Variants in CXADR observed in about 807,000 individuals in gnomAD.
CXADR encodes the protein CXADR cell adhesion molecule, also known as coxsackievirus and adenovirus receptor.
In CXADR, 20 loss-of-function variants were observed where a neutral mutation model predicts 40.3. That is an observed-to-expected ratio of 0.50 (90% CI 0.35 to 0.72). The LOEUF (loss-of-function observed/expected upper bound fraction) is 0.72, where lower values mean the gene tolerates loss of function less well. CXADR is among the 30% of genes least tolerant of loss of function. CXADR has a pLI of 0.01. For synonymous variants in CXADR, 150 were observed against 161.3 expected (o/e 0.93, Z 0.53); for missense variants, 332 against 449.1 (o/e 0.74, Z 2.36).
chr21:17,602,946 T>G, the CXADR span, among the ~76,000 whole-genome samples: 3 of 152,230 alleles, frequency 2.0e-5, no homozygotes, highest in Non-Finnish European at 4.4e-5. Context: ...GAACGTAAAC[T>G]ATTTGATTGT....
chr21:17,536,619 C>T (rs1425323485), intron 1 of CXADR, among the ~76,000 whole-genome samples: 2 of 152,136 alleles, frequency 1.3e-5, no homozygotes, highest in African/African-American at 2.4e-5. Flanking sequence ...CGTTCACTTC[C>T]AGTTAAGTTA....
At chr21:17,536,540 C>T (rs928763392) in intron 1 of CXADR, among the ~76,000 whole-genome samples, 2 of 152,110 alleles carry the variant, frequency 1.3e-5, no homozygotes, top group Non-Finnish European at 2.9e-5. Context: ...CCTCCTTCTA[C>T]TTGTCCAAGG....
At chr21:17,570,777 C>T (rs571205726), downstream of CXADR, among the ~76,000 whole-genome samples, 1 of 152,232 alleles carries the variant, frequency 6.6e-6, no homozygotes, top group Admixed American at 6.5e-5. Flanking sequence ...CTCGTTATGG[C>T]TTAAAGTATT....
intron 1 of CXADR, among the ~76,000 whole-genome samples, chr21:17,541,490 G>T (rs1367174457): frequency 1.3e-5 from 2 of 151,970 alleles, no homozygotes; most frequent in Non-Finnish European, 2.9e-5. Context: ...CCTGGGAGAC[G>T]GAGCTTGCAG....
chr21:17,614,874 C>G, the CXADR span, among the ~76,000 whole-genome samples: 1 of 152,208 alleles, frequency 6.6e-6, no homozygotes, highest in Non-Finnish European at 1.5e-5. Flanking sequence ...TCTTTCAAAA[C>G]TTGCCCTACT....
intron 2 of CXADR, 130 bp from the exon 3 acceptor site, chr21:17,551,619 A>G (rs2060969715): frequency 1.4e-6 from 1 of 712,826 alleles, no homozygotes; most frequent in South Asian, 2.0e-5. Flanking sequence ...TCCCCATAAT[A>G]CTGTGTTCTT....
the CXADR span, among the ~76,000 whole-genome samples, chr21:17,617,703 C>A: frequency 6.6e-6 from 1 of 152,140 alleles, no homozygotes; most frequent in Non-Finnish European, 1.5e-5. Flanking sequence ...ATCATCTGAG[C>A]CTTCAGGGAG....
At chr21:17,613,709 T>C in the CXADR span, 2 of 152,194 alleles carry the variant, frequency 1.3e-5, no homozygotes, top group East Asian at 1.9e-4. Flanking sequence ...AATACAAATA[T>C]GGAGAGGGAA....
the CXADR span, among the ~76,000 whole-genome samples, chr21:17,623,455 A>G: frequency 6.6e-6 from 1 of 152,218 alleles, no homozygotes; most frequent in African/African-American, 2.4e-5. Context: ...ACTTTCGAAA[A>G]CAATTAAGCC....
chr21:17,627,216 C>T, the CXADR span, among the ~76,000 whole-genome samples: 1 of 151,952 alleles, frequency 6.6e-6, no homozygotes, highest in East Asian at 1.9e-4. Flanking sequence ...ATTAGCCAGG[C>T]GTGGTGGCTC....
intron 7 of CXADR, among the ~76,000 whole-genome samples, chr21:17,577,543 G>A (rs931537005): frequency 8.9e-5 from 13 of 146,022 alleles, no homozygotes; most frequent in African/African-American, 3.0e-4. Context: ...AAGACAATGG[G>A]TTGTTGGGAA....
At chr21:17,520,172 C>T (rs1252226748) in intron 1 of CXADR, among the ~76,000 whole-genome samples, 1 of 152,160 alleles carries the variant, frequency 6.6e-6, no homozygotes, top group Non-Finnish European at 1.5e-5. Flanking sequence ...ACTTAATGTA[C>T]TGATACTACT....
intron 1 of CXADR, among the ~76,000 whole-genome samples, chr21:17,529,540 C>T (rs975048014): frequency 1.8e-4 from 27 of 152,196 alleles, no homozygotes; most frequent in African/African-American, 6.5e-4. Flanking sequence ...AGGCTGATCT[C>T]GAACTCCTGA....
At chr21:17,599,062 T>C in the CXADR span, 1 of 327,402 alleles carries the variant, frequency 3.1e-6, no homozygotes, top group Non-Finnish European at 5.3e-6. Context: ...CTTTCCCTTA[T>C]TTTCTTTCTA....
chr21:17,584,750 G>A (rs569722322), intron 7 of CXADR, among the ~76,000 whole-genome samples: 2 of 152,194 alleles, frequency 1.3e-5, no homozygotes, highest in Non-Finnish European at 2.9e-5. Flanking sequence ...AGAATTGCTT[G>A]AACCCAGGAG....
intron 1 of CXADR, among the ~76,000 whole-genome samples, chr21:17,524,031 TGTGTGTGTGTGC>T (rs1185558117): frequency 1.4e-5 from 2 of 145,866 alleles, no homozygotes; most frequent in African/African-American, 5.4e-5. Context: ...GGCGATTTTG[TGTGTGTGTGTGC>T]GTGTGTGTGT....
At chr21:17,575,853 C>T (rs1369063756) in intron 7 of CXADR, among the ~76,000 whole-genome samples, 5 of 151,184 alleles carry the variant, frequency 3.3e-5, no homozygotes, top group East Asian at 4.0e-4. Flanking sequence ...TTTGGGAGGC[C>T]GAGGCTGGTG....
At position 17,569,515 on chromosome 21, in the gene CXADR, A is replaced by G. The variant is rs185351957; in HGVS notation, c.*3823A>G. On this transcript the variant is annotated 3_prime_UTR_variant, in exon 7 of 7. Transcript: ENST00000284878. ...AATAGGATTTCTTACTCATTTACCT[A>G]TTTTAACACTAAAATAGACCACAAC... The G allele has an allele frequency of 9.8e-4, 970 of 985,324 alleles. 7 individuals carry two copies. The African/African-American group carries it at 0.016, about 16-fold the overall frequency. 61.0% of individuals were successfully genotyped at this position (985,324 alleles called of 1,614,324 possible).
At chr21:17,625,048 C>A in the CXADR span, among the ~76,000 whole-genome samples, 47 of 152,170 alleles carry the variant, frequency 3.1e-4, no homozygotes, top group South Asian at 9.8e-3. Flanking sequence ...CCTTTGGGAG[C>A]AGAAACTTTG....
Sources: gnomAD v4.1 joint callset for allele counts (sites outside exome capture counted in the v4.1 genomes callset) on GRCh38, gnomAD v4.1.1 for gene constraint, MANE v1.5 for transcripts, NCBI Gene and HGNC (gene_info 2026-07-23, HGNC 2026-07-21) for gene names.